Variants in THRB observed in about 807,000 individuals in gnomAD.
The protein encoded by THRB is thyroid hormone receptor beta.
Under a neutral mutation model 47.8 loss-of-function variants are expected in THRB, and 12 were observed. That is an observed-to-expected ratio of 0.25 (90% CI 0.16 to 0.41). The LOEUF is 0.41. THRB is among the 10% of genes least tolerant of loss of function. The pLI, the probability that THRB is intolerant of heterozygous loss-of-function variation, is 1.00. For synonymous variants in THRB, 218 were observed against 212.2 expected (o/e 1.03, Z -0.24); for missense variants, 348 against 589.2 (o/e 0.59, Z 4.24).
At chr3:24,396,101 T>G (rs2066940928) in intron 1 of THRB, among the ~76,000 whole-genome samples, 1 of 152,060 alleles carries the variant, frequency 6.6e-6, no homozygotes, top group South Asian at 2.1e-4. Flanking sequence ...CCATTGAATG[T>G]ACACTTTTAA....
At chr3:24,126,587 C>T (rs1045466091) in intron 10 of THRB, among the ~76,000 whole-genome samples, 1 of 151,938 alleles carries the variant, frequency 6.6e-6, no homozygotes, top group Non-Finnish European at 1.5e-5. Context: ...TCCACAGGGA[C>T]TTACGTGGAC....
chr3:24,212,633 A>G (rs1011345978), intron 4 of THRB, among the ~76,000 whole-genome samples: 2 of 151,754 alleles, frequency 1.3e-5, no homozygotes, highest in Non-Finnish European at 2.9e-5. Context: ...TGAAGGTGAT[A>G]TGGTTTGATC....
chr3:24,480,059 A>C (rs1696133756), intron 1 of THRB, among the ~76,000 whole-genome samples: 1 of 152,200 alleles, frequency 6.6e-6, no homozygotes, highest in South Asian at 2.1e-4. Flanking sequence ...CCAGGTGCCC[A>C]CAATGCTTAA....
Position 24,184,833 on chromosome 3 carries a change from G to A in THRB, c.283+5241C>T, listed in dbSNP as rs114478452. On this transcript the variant is annotated intron_variant, in intron 5 of 10. Coordinates refer to ENST00000646209, the MANE Select transcript of THRB (RefSeq NM_001354712.2). ...GAGCAGATGGTAGTACTGGCGGAAG[G>A]GCACAAGCTTTTTAATCCTCCACCT... Among the ~76,000 whole-genome samples the A allele has an allele frequency of 2.2e-3, 331 of 152,256 alleles. 1 individual carries two copies. The highest frequency in any genetic ancestry group is 0.014 in the Middle Eastern group (4 of 294).
intron 1 of THRB, among the ~76,000 whole-genome samples, chr3:24,467,827 T>C (rs905021238): frequency 6.6e-6 from 1 of 152,214 alleles, no homozygotes; most frequent in East Asian, 1.9e-4. Context: ...CAAATGAGCA[T>C]TGACTTCAAC....
In THRB at chr3:24,130,692, G is replaced by A. The variant is rs533294749; in HGVS notation, c.885+2624C>T. On this transcript the variant is annotated intron_variant, in intron 9 of 10. Coordinates refer to ENST00000646209, the MANE Select transcript of THRB (RefSeq NM_001354712.2). ...AACAAGCCCTTCGGTGCAGATGTGA[G>A]AGTGCACATACTTTCTCGAGGGCAC... Among the ~76,000 whole-genome samples the A allele has an allele frequency of 2.0e-5, 3 of 152,286 alleles. No individual in the cohort carries two copies. In the South Asian group the frequency reaches 6.2e-4, roughly 32 times the overall value.
chr3:24,426,236 A>C (rs547140542), intron 1 of THRB, among the ~76,000 whole-genome samples: 23 of 152,106 alleles, frequency 1.5e-4, no homozygotes, highest in African/African-American at 5.5e-4. Flanking sequence ...ATAATTAAAT[A>C]AAATAACTTT....
intron 3 of THRB, among the ~76,000 whole-genome samples, chr3:24,262,869 A>G (rs1234517066): frequency 6.6e-6 from 1 of 151,694 alleles, no homozygotes; most frequent in South Asian, 2.1e-4. Flanking sequence ...CTATTTTGTT[A>G]ATTACTCTAT....
At chr3:24,291,810 T>C (rs1242662224) in intron 3 of THRB, among the ~76,000 whole-genome samples, 1 of 152,210 alleles carries the variant, frequency 6.6e-6, no homozygotes. Flanking sequence ...TCCAACATTT[T>C]GGCAATATCT....
At chr3:24,300,013 A>G (rs987125540) in intron 2 of THRB, among the ~76,000 whole-genome samples, 4 of 151,570 alleles carry the variant, frequency 2.6e-5, no homozygotes, top group African/African-American at 9.7e-5. Flanking sequence ...CTCAGCAATG[A>G]CTCTTCAAAA....
intron 2 of THRB, among the ~76,000 whole-genome samples, chr3:24,318,807 C>G (rs910994328): frequency 2.0e-5 from 3 of 152,228 alleles, no homozygotes; most frequent in African/African-American, 7.2e-5. Context: ...GGGGATACCA[C>G]ACTAGGGATG....
intron 1 of THRB, among the ~76,000 whole-genome samples, chr3:24,478,447 C>T (rs1187958565): frequency 6.6e-6 from 1 of 152,098 alleles, no homozygotes; most frequent in Admixed American, 6.6e-5. Flanking sequence ...ACTTTATTAG[C>T]TAATTTGCCA....
At chr3:24,320,877 C>T (rs553495863) in intron 2 of THRB, among the ~76,000 whole-genome samples, 2 of 152,148 alleles carry the variant, frequency 1.3e-5, no homozygotes, top group South Asian at 4.2e-4. Context: ...TTCCTTTCTC[C>T]TCTGTCCATT....
At chr3:24,250,007 A>G (rs538065462) in intron 3 of THRB, among the ~76,000 whole-genome samples, 2 of 152,340 alleles carry the variant, frequency 1.3e-5, no homozygotes, top group Admixed American at 6.5e-5. Context: ...CTAGTACCAG[A>G]GTATCTACCA....
intron 5 of THRB, among the ~76,000 whole-genome samples, chr3:24,181,653 G>A (rs1208794323): frequency 6.6e-6 from 1 of 152,208 alleles, no homozygotes; most frequent in African/African-American, 2.4e-5. Context: ...CCTTGACAAT[G>A]AAGTGAGTGC....
At position 24,494,809 on chromosome 3, in the gene THRB, GTTAATCCCCGCC is replaced by G; in HGVS notation, c.-430_-419del. 6.6e-6 allele frequency: 1 copy of G among 151,718 alleles called. No homozygotes were observed. Among genetic ancestry groups the G allele is most frequent in the Middle Eastern group, 3.4e-3 (1 of 298 alleles). 9.4% of individuals were successfully genotyped at this position (151,718 alleles called of 1,614,324 possible). ...AGCGCACTCACATTATTCATGCAAA[GTTAATCCCCGCC>G]GCGTCACGGCCGCCCGCCCGAGGAT... On this transcript the variant is annotated 5_prime_UTR_variant, in exon 1 of 11. Coordinates refer to ENST00000646209, the MANE Select transcript of THRB (RefSeq NM_001354712.2).
chr3:24,373,285 G>T (rs141180460), intron 1 of THRB, among the ~76,000 whole-genome samples: 3 of 152,124 alleles, frequency 2.0e-5, no homozygotes, highest in African/African-American at 7.2e-5. Context: ...GAGAGATAAT[G>T]TATGTGCAAA....
chr3:24,269,295 ACACACACACACACACACACACACACACG>A (rs2053000677), intron 3 of THRB, among the ~76,000 whole-genome samples: 2 of 95,076 alleles, frequency 2.1e-5, no homozygotes, highest in East Asian at 3.4e-4. Flanking sequence ...ACACACACAC[ACACACACACACACACACACACACACACG>A]TTATCTTTGC....
At chr3:24,427,206 A>T (rs958283722) in intron 1 of THRB, among the ~76,000 whole-genome samples, 1 of 152,020 alleles carries the variant, frequency 6.6e-6, no homozygotes, top group African/African-American at 2.4e-5. Flanking sequence ...ATACATGGAA[A>T]ATGAATACCC....
Sources: allele counts gnomAD v4.1 joint callset (sites outside exome capture counted in the v4.1 genomes callset), GRCh38; gene constraint gnomAD v4.1.1; transcripts MANE v1.5; gene names NCBI Gene and HGNC (gene_info 2026-07-23, HGNC 2026-07-21).